The following UBR1 variants were observed in gnomAD, a reference collection of about 807,000 sequenced individuals.
UBR1 encodes the protein E3 ubiquitin-protein ligase UBR1.
In UBR1, 102 loss-of-function variants were observed where a neutral mutation model predicts 242.1. That is an observed-to-expected ratio of 0.42 (90% CI 0.36 to 0.50). The LOEUF (loss-of-function observed/expected upper bound fraction) is 0.50. Ranked by LOEUF, UBR1 falls within the 20% of genes least tolerant of loss-of-function variation. The probability of loss-of-function intolerance (pLI) is 0.01; values close to 1 mark genes in which losing one functional copy is unlikely to be tolerated. For missense variants in UBR1, 1,772 were observed against 2,101.8 expected (o/e 0.84, Z 3.07); for synonymous variants, 675 against 684.8 (o/e 0.99, Z 0.22).
At chr15:42,978,892 CTTT>C (rs754093273) in intron 37 of UBR1, among the ~76,000 whole-genome samples, 2 of 94,054 alleles carry the variant, frequency 2.1e-5, no homozygotes, top group African/African-American at 3.9e-5. Flanking sequence ...CCACGCCCGG[CTTT>C]TTTTTTTTTT....
intron 39 of UBR1, 81 bp downstream of exon 39, chr15:42,976,636 T>C (rs1596082296): frequency 2.6e-6 from 4 of 1,515,598 alleles, no homozygotes; most frequent in East Asian, 4.5e-5. Flanking sequence ...AAATACATTA[T>C]ATAATCACAA....
At chr15:43,014,437 G>A (rs930802907) in intron 29 of UBR1, among the ~76,000 whole-genome samples, 3 of 151,908 alleles carry the variant, frequency 2.0e-5, no homozygotes, top group Non-Finnish European at 4.4e-5. Context: ...AGGAAGTGAG[G>A]AGCGCCTCTT....
chr15:43,074,859 C>T (rs2033868107), intron 4 of UBR1, 120 bp downstream of exon 4: 1 of 846,680 alleles, frequency 1.2e-6, no homozygotes, highest in African/African-American at 1.7e-5. Flanking sequence ...CTCCTTACAC[C>T]TAAATATGAG....
chr15:43,085,400 C>T (rs2034023562), intron 2 of UBR1, among the ~76,000 whole-genome samples: 1 of 152,168 alleles, frequency 6.6e-6, no homozygotes, highest in Non-Finnish European at 1.5e-5. Context: ...TTATCACTGA[C>T]ATTCCGTTGG....
chr15:43,025,043 A>G (rs2033161852), intron 24 of UBR1, 60 bp from the exon 25 acceptor site: 6 of 1,597,892 alleles, frequency 3.8e-6, no homozygotes, highest in Non-Finnish European at 5.1e-6. Flanking sequence ...TATTTGGGTT[A>G]TCCTACATAC....
At chr15:43,013,384 A>C (rs1015102916) in intron 29 of UBR1, among the ~76,000 whole-genome samples, 1 of 152,228 alleles carries the variant, frequency 6.6e-6, no homozygotes, top group South Asian at 2.1e-4. Context: ...TTTCTCTAAG[A>C]GCATACCACA....
At chr15:43,038,509 G>A (rs531266669) in intron 15 of UBR1, among the ~76,000 whole-genome samples, 45 of 152,176 alleles carry the variant, frequency 3.0e-4, no homozygotes, top group African/African-American at 7.0e-4. Context: ...CAGGAGAATC[G>A]CTTGAACCTG....
At chr15:43,011,114 T>C (rs979049620) in intron 29 of UBR1, among the ~76,000 whole-genome samples, 1 of 151,726 alleles carries the variant, frequency 6.6e-6, no homozygotes, top group Non-Finnish European at 1.5e-5. Flanking sequence ...GAGGCTGTAG[T>C]GTGTCATAAT....
chr15:42,977,528 T>C (rs924188033), intron 38 of UBR1, among the ~76,000 whole-genome samples: 1 of 152,136 alleles, frequency 6.6e-6, no homozygotes, highest in Non-Finnish European at 1.5e-5. Flanking sequence ...AATTAATGAT[T>C]TTAAGAGAGC....
At chr15:43,072,088 G>A (rs1861984152) in intron 4 of UBR1, among the ~76,000 whole-genome samples, 1 of 152,146 alleles carries the variant, frequency 6.6e-6, no homozygotes, top group Admixed American at 6.5e-5. Flanking sequence ...CTGGCCTCAA[G>A]TGATCCACCC....
chr15:43,070,769 TTG>T (rs2033814927), intron 5 of UBR1, 24 bp downstream of exon 5: 3 of 1,611,524 alleles, frequency 1.9e-6, no homozygotes, highest in African/African-American at 2.7e-5. Flanking sequence ...TCACTAAAAC[TTG>T]TTCCGTTTGA....
In UBR1 at chr15:43,022,708, C is replaced by T. The variant is rs759393697; in HGVS notation, c.2833G>A (p.Ala945Thr). The change falls in exon 26 of 47, where the codon GCT becomes ACT. Residue 945 changes from alanine (A) to threonine (T), a missense_variant. Coordinates refer to ENST00000290650, the MANE Select transcript of UBR1 (RefSeq NM_174916.3). ...GAGTGATACTCAAACATACTTGAAG[C>T]CTTATGATAAAAGTCAAATGTTACT... ...EEVTFDFYHK[A>T]SRLGSSAMNI... The T allele has an allele frequency of 1.2e-6, 2 of 1,607,086 alleles. No homozygotes were observed. Among genetic ancestry groups the T allele is most frequent in the African/African-American group, 1.3e-5 (1 of 74,854 alleles).
At chr15:43,055,563 T>C (rs990443166) in intron 11 of UBR1, among the ~76,000 whole-genome samples, 4 of 152,146 alleles carry the variant, frequency 2.6e-5, no homozygotes, top group Non-Finnish European at 5.9e-5. Context: ...TCCATCCTTT[T>C]GAAAAAGTAA....
intron 31 of UBR1, chr15:43,003,527 A>G: frequency 2.7e-6 from 1 of 373,906 alleles, no homozygotes; most frequent in South Asian, 2.2e-5. Flanking sequence ...AAGTGCTGAG[A>G]TTACAGGTGT....
chr15:43,057,734 G>A (rs1267560028), intron 10 of UBR1, among the ~76,000 whole-genome samples: 2 of 151,910 alleles, frequency 1.3e-5, no homozygotes, highest in Non-Finnish European at 2.9e-5. Context: ...TATTCTTATT[G>A]TAATTTTACT....
intron 12 of UBR1, among the ~76,000 whole-genome samples, chr15:43,049,581 T>C (rs998944023): frequency 9.9e-5 from 15 of 152,058 alleles, no homozygotes; most frequent in Non-Finnish European, 1.6e-4. Flanking sequence ...TGTAGGTACA[T>C]AAAGACAAAG....
chr15:42,993,619 C>T (rs771624052), intron 33 of UBR1, among the ~76,000 whole-genome samples: 6 of 152,036 alleles, frequency 3.9e-5, no homozygotes, highest in Admixed American at 6.6e-5. Flanking sequence ...CTGCCTGCCT[C>T]GGCCTCCCAA....
In UBR1 at chr15:43,007,209, C is replaced by A; in HGVS notation, c.3285G>T (p.Val1095=). 6 of 1,614,096 alleles carry A rather than the reference C, an allele frequency of 3.7e-6. No homozygotes were observed. Among genetic ancestry groups the A allele is most frequent in the Non-Finnish European group, 5.1e-6 (6 of 1,180,030 alleles). The change falls in exon 30 of 47, where the codon GTG becomes GTT. Residue 1095 remains valine, a synonymous_variant. Coordinates refer to ENST00000290650, the MANE Select transcript of UBR1 (RefSeq NM_174916.3). ...CTTCTTGGCAAAGGATGCACGTCAG[C>A]ACCTCCTTTTCAGTAACAGATGGAC... The part of the protein sequence containing the change: ...KRGPSVTEKE[V]LTCILCQEEQ...
At chr15:43,051,734 G>A (rs1158124531) in intron 12 of UBR1, among the ~76,000 whole-genome samples, 1 of 152,088 alleles carries the variant, frequency 6.6e-6, no homozygotes, top group Non-Finnish European at 1.5e-5. Context: ...AAGTAAAGAA[G>A]ATGTAAGGGA....
Sources: allele counts gnomAD v4.1 joint callset (sites outside exome capture counted in the v4.1 genomes callset), GRCh38; gene constraint gnomAD v4.1.1; transcripts MANE v1.5; gene names NCBI Gene and HGNC (gene_info 2026-07-23, HGNC 2026-07-21).